BBS9: variants seen among roughly 807,000 people sequenced by gnomAD.
The protein encoded by BBS9 is protein PTHB1.
Under a neutral mutation model 117.7 loss-of-function variants are expected in BBS9, and 89 were observed. The ratio of observed to expected loss-of-function variants is 0.76; its 90% CI spans 0.64 to 0.90. The LOEUF (loss-of-function observed/expected upper bound fraction) is 0.90, where lower values mean the gene tolerates loss of function less well. BBS9 is among the 40% of genes least tolerant of loss of function. The pLI, the probability that BBS9 is intolerant of heterozygous loss-of-function variation, is 0.00. For synonymous variants in BBS9, 379 were observed against 370.9 expected (o/e 1.02, Z -0.25); for missense variants, 982 against 1,042.2 (o/e 0.94, Z 0.80).
chr7:33,195,106 T>C (rs1471047150), intron 5 of BBS9, among the ~76,000 whole-genome samples: 1 of 152,158 alleles, frequency 6.6e-6, no homozygotes, highest in African/African-American at 2.4e-5. Flanking sequence ...CTATGTGTTC[T>C]GAGAAAGGAA....
intron 4 of BBS9, among the ~76,000 whole-genome samples, chr7:33,168,156 G>A (rs1459274336): frequency 6.6e-6 from 1 of 152,066 alleles, no homozygotes; most frequent in Admixed American, 6.6e-5. Flanking sequence ...GGCTGCTTCA[G>A]GTGCCCTCTG....
chr7:33,516,066 A>T (rs565620336), intron 20 of BBS9, among the ~76,000 whole-genome samples: 39 of 152,214 alleles, frequency 2.6e-4, no homozygotes, highest in Non-Finnish European at 4.4e-4. Context: ...AACTGCTAAG[A>T]TAAAGGCTGT....
chr7:33,481,859 G>C (rs1842553043), intron 19 of BBS9, among the ~76,000 whole-genome samples: 1 of 152,160 alleles, frequency 6.6e-6, no homozygotes, highest in Non-Finnish European at 1.5e-5. Flanking sequence ...GGGGATAAAA[G>C]TAGAATTTTT....
At chr7:33,458,643 G>C (rs992340036) in intron 19 of BBS9, among the ~76,000 whole-genome samples, 1 of 152,074 alleles carries the variant, frequency 6.6e-6, no homozygotes, top group African/African-American at 2.4e-5. Flanking sequence ...TTTGGCACAG[G>C]GTGTAAAAGG....
chr7:33,366,833 C>A (rs1339422210), intron 16 of BBS9, among the ~76,000 whole-genome samples: 4 of 152,110 alleles, frequency 2.6e-5, no homozygotes, highest in African/African-American at 9.7e-5. Context: ...CATGAGCCAC[C>A]ACGCCTGGCC....
intron 19 of BBS9, among the ~76,000 whole-genome samples, chr7:33,390,973 TG>T (rs1826974167): frequency 6.6e-6 from 1 of 152,232 alleles, no homozygotes; most frequent in African/African-American, 2.4e-5. Context: ...CTATTTGTAA[TG>T]GTTACATAAT....
intron 10 of BBS9, among the ~76,000 whole-genome samples, chr7:33,337,849 C>T (rs561118034): frequency 2.0e-5 from 3 of 152,004 alleles, no homozygotes; most frequent in African/African-American, 7.2e-5. Flanking sequence ...CATGAAATTT[C>T]CAGAGTTCAT....
intron 17 of BBS9, among the ~76,000 whole-genome samples, chr7:33,376,193 T>G (rs184175587): frequency 1.8e-4 from 28 of 152,150 alleles, no homozygotes; most frequent in Admixed American, 8.5e-4. Flanking sequence ...CACCCTCCAC[T>G]CTGAGGTAGG....
intron 21 of BBS9, among the ~76,000 whole-genome samples, chr7:33,550,395 T>C (rs1192332220): frequency 1.3e-5 from 2 of 152,216 alleles, no homozygotes; most frequent in African/African-American, 2.4e-5. Flanking sequence ...TTATTTTATA[T>C]TGCATTATTT....
chr7:33,488,864 GA>G (rs1490254528), intron 19 of BBS9, among the ~76,000 whole-genome samples: 3 of 151,972 alleles, frequency 2.0e-5, no homozygotes, highest in Non-Finnish European at 1.5e-5. Flanking sequence ...AATTCACCAA[GA>G]AAAGTAGTTT....
At chr7:33,534,434 C>A in intron 21 of BBS9, 1 of 526,992 alleles carries the variant, frequency 1.9e-6, no homozygotes, top group Non-Finnish European at 3.4e-6. Flanking sequence ...TTTTGTTTTG[C>A]TTCTAACTAA....
intron 20 of BBS9, among the ~76,000 whole-genome samples, chr7:33,513,419 T>C (rs1246887925): frequency 6.8e-6 from 1 of 146,290 alleles, no homozygotes; most frequent in Non-Finnish European, 1.5e-5. Flanking sequence ...TAAGGAAATA[T>C]TCTACATTCC....
In BBS9 at chr7:33,541,771, T is replaced by C. The variant is rs1852347107; in HGVS notation, c.2521+7595T>C. On this transcript the variant is annotated intron_variant, in intron 21 of 22. Transcript: ENST00000242067. The stretch of plus-strand genomic sequence containing the variant: ...GGCAAATTCAAGGCGACAGAAAGTA[T>C]GTTAGTGGTTGCCTAGGACTAGGAG... Among the ~76,000 whole-genome samples, 4 of 152,242 alleles carry C rather than the reference T, an allele frequency of 2.6e-5. No individual in the cohort carries two copies. The South Asian group carries it at 8.3e-4, about 32-fold the overall frequency.
chr7:33,374,778 A>G (rs761594466), intron 17 of BBS9, among the ~76,000 whole-genome samples: 4 of 151,876 alleles, frequency 2.6e-5, no homozygotes, highest in Admixed American at 2.0e-4. Flanking sequence ...ATACCTGCCT[A>G]TAATCCCACC....
chr7:33,289,752 A>T (rs1429035778), intron 9 of BBS9, among the ~76,000 whole-genome samples: 1 of 152,046 alleles, frequency 6.6e-6, no homozygotes, highest in Non-Finnish European at 1.5e-5. Context: ...ATATTTAAAA[A>T]TTTTCTTGGG....
At chr7:33,630,705 C>T (rs1865850618) in intron 21 of BBS9, among the ~76,000 whole-genome samples, 1 of 152,192 alleles carries the variant, frequency 6.6e-6, no homozygotes, top group Non-Finnish European at 1.5e-5. Flanking sequence ...CCCTCTTCCT[C>T]TGACTTCCTC....
chr7:33,174,552 G>A (rs980442658), intron 4 of BBS9, among the ~76,000 whole-genome samples: 1 of 152,140 alleles, frequency 6.6e-6, no homozygotes, highest in Non-Finnish European at 1.5e-5. Flanking sequence ...TTACAACTCA[G>A]CATTCACCCC....
intron 9 of BBS9, among the ~76,000 whole-genome samples, chr7:33,283,630 C>T (rs117729987): frequency 0.015 from 2,214 of 152,160 alleles, 22 homozygotes; most frequent in Non-Finnish European, 0.022. Context: ...TCTCTGAATT[C>T]TTCTTTTGTT....
At chr7:33,632,216 G>A (rs987035385) in intron 21 of BBS9, among the ~76,000 whole-genome samples, 18 of 152,034 alleles carry the variant, frequency 1.2e-4, no homozygotes, top group Non-Finnish European at 2.4e-4. Context: ...CTTGGCGCTC[G>A]CCCTGCCTGG....
Sources: allele counts gnomAD v4.1 joint callset (sites outside exome capture counted in the v4.1 genomes callset), GRCh38; gene constraint gnomAD v4.1.1; transcripts MANE v1.5; gene names NCBI Gene and HGNC (gene_info 2026-07-23, HGNC 2026-07-21).